ATP11A: variants seen among roughly 807,000 people sequenced by gnomAD.
ATP11A encodes phospholipid-transporting ATPase IH.
A neutral mutation model predicts 154.4 loss-of-function variants in ATP11A; 81 were observed. The observed-to-expected ratio is 0.52, with a 90% CI of 0.44 to 0.63. ATP11A has a LOEUF of 0.63. Among genes scored for constraint, ATP11A ranks in the 30% least tolerant of loss-of-function variants. The pLI, the probability that ATP11A is intolerant of heterozygous loss-of-function variation, is 0.00. For missense variants in ATP11A, 1,316 were observed against 1,474.3 expected, an observed-to-expected ratio of 0.89 and a Z score of 1.76; for synonymous variants, 623 against 585.9, an observed-to-expected ratio of 1.06 and a Z score of -0.91.
chr13:112,793,627 T>C (rs2077919978), intron 2 of ATP11A, among the ~76,000 whole-genome samples: 1 of 152,258 alleles, frequency 6.6e-6, no homozygotes, highest in Non-Finnish European at 1.5e-5. Context: ...AAGAGTGACC[T>C]CAGTTCCATG....
At chr13:112,806,137 C>T in intron 3 of ATP11A, 76 bp from the exon 4 acceptor site, 1 of 1,121,098 alleles carries the variant, frequency 8.9e-7, no homozygotes, top group South Asian at 1.3e-5. Context: ...GAAGTGCTGG[C>T]TCAGGGCAAA....
At chr13:112,727,594 C>G (rs1224356342) in intron 1 of ATP11A, among the ~76,000 whole-genome samples, 1 of 152,068 alleles carries the variant, frequency 6.6e-6, no homozygotes, top group Non-Finnish European at 1.5e-5. Flanking sequence ...GAGAACACTG[C>G]TTTTGTTCTT....
At chr13:112,781,543 C>T (rs1023666307) in intron 1 of ATP11A, among the ~76,000 whole-genome samples, 8 of 152,102 alleles carry the variant, frequency 5.3e-5, no homozygotes, top group South Asian at 2.1e-4. Context: ...CAACATTTGA[C>T]GGACGCGTGG....
chr13:112,738,209 C>T (rs1421956138), intron 1 of ATP11A, among the ~76,000 whole-genome samples: 1 of 152,008 alleles, frequency 6.6e-6, no homozygotes, highest in Non-Finnish European at 1.5e-5. Flanking sequence ...CCCGTCTCTA[C>T]TAAAAATACA....
chr13:112,765,727 G>C (rs7336066), intron 1 of ATP11A, among the ~76,000 whole-genome samples: 2,849 of 152,318 alleles, frequency 0.019, 110 homozygotes, highest in African/African-American at 0.065. Context: ...AGTTAGTGTG[G>C]GGAAATGTCT....
chr13:112,824,228 T>G, intron 9 of ATP11A, 116 bp from the exon 10 acceptor site: 2 of 800,570 alleles, frequency 2.5e-6, no homozygotes, highest in Non-Finnish European at 4.3e-6. Context: ...GCTTATGAAA[T>G]TAAAAATAGG....
chr13:112,709,423 C>A (rs1265873969), intron 1 of ATP11A, among the ~76,000 whole-genome samples: 5 of 152,226 alleles, frequency 3.3e-5, no homozygotes, highest in African/African-American at 1.2e-4. Context: ...TGTTTTCCTT[C>A]TTTCCTTTCC....
At chr13:112,758,421 TCTTTTTTTTC>T (rs1393559119) in intron 1 of ATP11A, among the ~76,000 whole-genome samples, 1 of 149,406 alleles carries the variant, frequency 6.7e-6, no homozygotes, top group East Asian at 2.0e-4. Context: ...TCTTTTTTTT[TCTTTTTTTTC>T]TTTTTTTTTT....
chr13:112,710,959 C>T (rs987336487), intron 1 of ATP11A, among the ~76,000 whole-genome samples: 20 of 56,442 alleles, frequency 3.5e-4, no homozygotes, highest in African/African-American at 1.0e-3. Flanking sequence ...TGCCAACCAC[C>T]CGGAGCCACC....
intron 1 of ATP11A, among the ~76,000 whole-genome samples, chr13:112,709,820 CAT>C (rs1461631767): frequency 6.6e-6 from 1 of 152,274 alleles, no homozygotes; most frequent in African/African-American, 2.4e-5. Flanking sequence ...TTGTGCCACT[CAT>C]ATTTGGCTCA....
At position 112,875,110 on chromosome 13, in the gene ATP11A, C is replaced by T. The variant is rs778917085; in HGVS notation, c.3162-666C>T. On this transcript the variant is annotated intron_variant, in intron 27 of 29. Coordinates refer to ENST00000375645, the MANE Select transcript of ATP11A (RefSeq NM_015205.3). The surrounding 1 kb of genome is among the most constrained non-coding windows in gnomAD (Gnocchi z 4.1). ...TCTGCCAGCAGCTGCGTGTCCCTCC[C>T]GTTACCCACCATGCCCTGCTTCCGT... Among the ~76,000 whole-genome samples, 3 of 152,202 alleles carry T rather than the reference C, an allele frequency of 2.0e-5. No individual in the cohort carries two copies. Among genetic ancestry groups the T allele is most frequent in the Admixed American group, 1.3e-4 (2 of 15,284 alleles).
chr13:112,751,606 G>A (rs1235918766), intron 1 of ATP11A, among the ~76,000 whole-genome samples: 1 of 152,084 alleles, frequency 6.6e-6, no homozygotes, highest in Non-Finnish European at 1.5e-5. Flanking sequence ...GTTGCAGTGA[G>A]CCGAGATCGC....
At chr13:112,766,346 C>T (rs1191573790) in intron 1 of ATP11A, among the ~76,000 whole-genome samples, 1 of 152,196 alleles carries the variant, frequency 6.6e-6, no homozygotes, top group African/African-American at 2.4e-5. Context: ...GCTTTACTGG[C>T]CCAACCAGAA....
chr13:112,823,961 A>G (rs1381267847), intron 9 of ATP11A, among the ~76,000 whole-genome samples: 3 of 152,160 alleles, frequency 2.0e-5, no homozygotes, highest in Non-Finnish European at 4.4e-5. Flanking sequence ...GATACCTAGC[A>G]CGATGTAAAT....
intron 1 of ATP11A, among the ~76,000 whole-genome samples, chr13:112,735,972 C>T (rs575638406): frequency 1.3e-5 from 2 of 152,150 alleles, no homozygotes; most frequent in East Asian, 3.9e-4. Context: ...TCTGCACATG[C>T]CCAGAGCCTA....
intron 20 of ATP11A, 70 bp from the exon 21 acceptor site, chr13:112,857,748 G>T: frequency 8.1e-7 from 1 of 1,233,462 alleles, no homozygotes; most frequent in Admixed American, 1.9e-5. Flanking sequence ...TGTTATTTCT[G>T]CCTAGTGAAT....
intron 1 of ATP11A, among the ~76,000 whole-genome samples, chr13:112,712,807 CCT>C (rs1307050349): frequency 1.3e-5 from 2 of 152,190 alleles, no homozygotes; most frequent in South Asian, 4.1e-4. Flanking sequence ...TTTGTCATCC[CCT>C]GTCTTTTGGG....
chr13:112,705,959 G>C (rs745707413), intron 1 of ATP11A, among the ~76,000 whole-genome samples: 1 of 152,176 alleles, frequency 6.6e-6, no homozygotes, highest in Non-Finnish European at 1.5e-5. Flanking sequence ...AATACACTCA[G>C]TGCTGTACGA....
intron 2 of ATP11A, among the ~76,000 whole-genome samples, chr13:112,792,008 A>G (rs1033826123): frequency 7.9e-5 from 12 of 152,150 alleles, no homozygotes; most frequent in Admixed American, 3.3e-4. Flanking sequence ...GCCGCCTTTC[A>G]TCTCAACCTC....
Sources: gnomAD v4.1 joint callset for allele counts (sites outside exome capture counted in the v4.1 genomes callset) on GRCh38, gnomAD v4.1.1 for gene constraint, Gnocchi (gnomAD v3.1) non-coding constraint, MANE v1.5 for transcripts, NCBI Gene and HGNC (gene_info 2026-07-23, HGNC 2026-07-21) for gene names.